Variants in UNC5D observed in about 807,000 individuals in gnomAD.
The protein encoded by UNC5D is unc-5 netrin receptor D.
UNC5D carries 39 observed loss-of-function variants against 105.4 expected under a neutral mutation model. That is an observed-to-expected ratio of 0.37 (90% CI 0.29 to 0.48). The LOEUF is 0.48. Ranked by LOEUF, UNC5D falls within the 20% of genes least tolerant of loss-of-function variation. UNC5D has a pLI of 0.98. For synonymous variants in UNC5D, 452 were observed against 450.4 expected, an observed-to-expected ratio of 1.00 and a Z score of -0.04; for missense variants, 991 against 1,202.4, an observed-to-expected ratio of 0.82 and a Z score of 2.60.
intron 1 of UNC5D, among the ~76,000 whole-genome samples, chr8:35,381,362 T>A (rs560076319): frequency 1.3e-5 from 2 of 152,120 alleles, no homozygotes; most frequent in Admixed American, 1.3e-4. Context: ...CTAGGTGATT[T>A]ATAACCATAG....
intron 8 of UNC5D, among the ~76,000 whole-genome samples, chr8:35,717,353 C>A (rs1828311294): frequency 6.6e-6 from 1 of 152,108 alleles, no homozygotes; most frequent in African/African-American, 2.4e-5. Context: ...ATTAGTACAT[C>A]TTTTAGAGGG....
At chr8:35,453,776 G>T (rs1808315526) in intron 1 of UNC5D, among the ~76,000 whole-genome samples, 1 of 152,024 alleles carries the variant, frequency 6.6e-6, no homozygotes, top group South Asian at 2.1e-4. Context: ...TTTCTAAAAG[G>T]CAGAGTAAGA....
intron 4 of UNC5D, among the ~76,000 whole-genome samples, chr8:35,641,685 C>T (rs1014185004): frequency 6.6e-6 from 1 of 152,072 alleles, no homozygotes; most frequent in Non-Finnish European, 1.5e-5. Context: ...AACTGAGCCT[C>T]AAATTCTTGG....
At chr8:35,489,943 G>A (rs935480952) in intron 1 of UNC5D, among the ~76,000 whole-genome samples, 43 of 152,058 alleles carry the variant, frequency 2.8e-4, no homozygotes, top group African/African-American at 9.4e-4. Context: ...TTTTTTGGTC[G>A]AAGATGATTT....
intron 1 of UNC5D, among the ~76,000 whole-genome samples, chr8:35,415,391 T>G (rs1409534112): frequency 2.6e-5 from 4 of 152,176 alleles, no homozygotes; most frequent in Admixed American, 2.6e-4. Context: ...ACTTCTTTTA[T>G]GGATTGAATA....
At chr8:35,367,879 T>A (rs946114627) in intron 1 of UNC5D, among the ~76,000 whole-genome samples, 6 of 152,172 alleles carry the variant, frequency 3.9e-5, no homozygotes, top group Non-Finnish European at 8.8e-5. Context: ...CATAAATCAT[T>A]TACAAGGCCC....
At chr8:35,712,024 G>C (rs946272185) in intron 8 of UNC5D, among the ~76,000 whole-genome samples, 2 of 152,180 alleles carry the variant, frequency 1.3e-5, no homozygotes, top group African/African-American at 2.4e-5. Flanking sequence ...TGTAATCCTA[G>C]CACTTTGGGA....
chr8:35,626,262 T>C (rs1338574807), intron 4 of UNC5D, among the ~76,000 whole-genome samples: 1 of 151,928 alleles, frequency 6.6e-6, no homozygotes, highest in Non-Finnish European at 1.5e-5. Flanking sequence ...ATAAACTCTA[T>C]ATATTATTCT....
At chr8:35,547,503 T>C (rs1280614053) in intron 1 of UNC5D, among the ~76,000 whole-genome samples, 1 of 152,174 alleles carries the variant, frequency 6.6e-6, no homozygotes, top group East Asian at 1.9e-4. Flanking sequence ...TTTGCCATGT[T>C]GGCCAGGCTG....
At chr8:35,375,262 A>G (rs1043438776) in intron 1 of UNC5D, among the ~76,000 whole-genome samples, 17 of 152,336 alleles carry the variant, frequency 1.1e-4, no homozygotes, top group African/African-American at 4.1e-4. Flanking sequence ...ATCACAAAGT[A>G]ATTGAACTAA....
intron 1 of UNC5D, among the ~76,000 whole-genome samples, chr8:35,312,760 T>C (rs1333560943): frequency 6.6e-6 from 1 of 152,226 alleles, no homozygotes; most frequent in African/African-American, 2.4e-5. Context: ...TGAATTTATG[T>C]TGAATTTTCT....
chr8:35,510,262 C>G (rs1812607048), intron 1 of UNC5D, among the ~76,000 whole-genome samples: 1 of 150,190 alleles, frequency 6.7e-6, no homozygotes. Flanking sequence ...CAGCCCCCAC[C>G]CTGGAGCTAC....
At chr8:35,729,820 AC>A (rs758214188) in intron 10 of UNC5D, among the ~76,000 whole-genome samples, 7 of 152,216 alleles carry the variant, frequency 4.6e-5, no homozygotes, top group Non-Finnish European at 5.9e-5. Context: ...CCAAGCTGTA[AC>A]CAAGATTTAA....
intron 14 of UNC5D, among the ~76,000 whole-genome samples, chr8:35,766,688 G>C (rs1586612504): frequency 6.6e-6 from 1 of 152,314 alleles, no homozygotes; most frequent in African/African-American, 2.4e-5. Context: ...AGTTGGAATT[G>C]ACATTAATTA....
intron 1 of UNC5D, chr8:35,544,527 C>G (rs557629583): frequency 6.2e-7 from 1 of 1,610,036 alleles, no homozygotes; most frequent in Admixed American, 1.7e-5. Flanking sequence ...TCCTCCCAAA[C>G]TTCACCAGGT....
intron 1 of UNC5D, among the ~76,000 whole-genome samples, chr8:35,340,717 C>G (rs1014004312): frequency 1.3e-5 from 2 of 152,116 alleles, no homozygotes; most frequent in African/African-American, 4.8e-5. Flanking sequence ...ACAACAGGCA[C>G]TCTTACTTGA....
At chr8:35,538,989 A>G (rs950335242) in intron 1 of UNC5D, among the ~76,000 whole-genome samples, 1 of 152,196 alleles carries the variant, frequency 6.6e-6, no homozygotes, top group African/African-American at 2.4e-5. Context: ...AGATATGTGC[A>G]GAATTATAGT....
At chr8:35,590,049 AT>A (rs1467809437) in intron 3 of UNC5D, among the ~76,000 whole-genome samples, 2 of 152,106 alleles carry the variant, frequency 1.3e-5, no homozygotes, top group Non-Finnish European at 2.9e-5. Flanking sequence ...AAAATTTGAC[AT>A]TTCTTGAATA....
intron 1 of UNC5D, among the ~76,000 whole-genome samples, chr8:35,545,638 C>T (rs546430095): frequency 1.4e-3 from 208 of 151,224 alleles, no homozygotes; most frequent in African/African-American, 4.9e-3. Flanking sequence ...CCCAGCACTT[C>T]GCTATACAAA....
Sources: allele counts gnomAD v4.1 joint callset (sites outside exome capture counted in the v4.1 genomes callset), GRCh38; gene constraint gnomAD v4.1.1; transcripts MANE v1.5; gene names NCBI Gene and HGNC (gene_info 2026-07-23, HGNC 2026-07-21).